ATXN7L1: variants seen among roughly 807,000 people sequenced by gnomAD.
The protein encoded by ATXN7L1 is ataxin 7 like 1.
ATXN7L1 carries 15 observed loss-of-function variants against 70.8 expected under a neutral mutation model. That is an observed-to-expected ratio of 0.21 (90% CI 0.14 to 0.33). ATXN7L1 has a LOEUF of 0.33. ATXN7L1 is among the 10% of genes least tolerant of loss of function. The pLI, the probability that ATXN7L1 is intolerant of heterozygous loss-of-function variation, is 1.00. For synonymous variants in ATXN7L1, 440 were observed against 445.1 expected, an observed-to-expected ratio of 0.99 and a Z score of 0.14; for missense variants, 975 against 1,097.1, an observed-to-expected ratio of 0.89 and a Z score of 1.57.
At chr7:105,801,133 T>C (rs1806757422) in intron 2 of ATXN7L1, among the ~76,000 whole-genome samples, 1 of 152,206 alleles carries the variant, frequency 6.6e-6, no homozygotes, top group South Asian at 2.1e-4. Flanking sequence ...CTTGGGATGC[T>C]GTCAATACAT....
chr7:105,641,214 C>CT lies in ATXN7L1; in HGVS notation c.862+1623dup, dbSNP rs561100060. 8.7e-4 allele frequency among the ~76,000 whole-genome samples: 19 copies of CT among 21,794 alleles called. 1 individual carries two copies. The highest frequency in any genetic ancestry group is 3.0e-3 in the African/African-American group (18 of 6,054). 14.3% of individuals were successfully genotyped at this position (21,794 alleles called of 152,430 possible). On this transcript the variant is annotated intron_variant, in intron 5 of 11. Transcript: ENST00000419735. ...GCCTTTTCTCTCTCTCTCTCTCTCTCTTTTTTTTTTTTTTTTTTTTTTTTT... is the reference window on the plus strand; with the variant it reads ...GCCTTTTCTCTCTCTCTCTCTCTCTCTTTTTTTTTTTTTTTTTTTTTTTTTT...
chr7:105,744,763 A>C (rs893177636), intron 3 of ATXN7L1, among the ~76,000 whole-genome samples: 15 of 120,256 alleles, frequency 1.2e-4, no homozygotes, highest in Non-Finnish European at 2.4e-4. Flanking sequence ...TTTTAGATGG[A>C]GTCTCCCTCT....
In ATXN7L1 at chr7:105,750,401, G is replaced by C. The variant is rs1044970902; in HGVS notation, c.355+38203C>G. On this transcript the variant is annotated intron_variant, in intron 3 of 11. Transcript: ENST00000419735. ...AGTGATCCTCCTGCCTCAGTTTCTT[G>C]AGTAGCTAGGACTACAGGCACGTGT... 4.6e-5 allele frequency among the ~76,000 whole-genome samples: 7 copies of C among 151,158 alleles called. No individual in the cohort carries two copies. In the South Asian group the frequency reaches 1.5e-3, roughly 32 times the overall value.
intron 2 of ATXN7L1, among the ~76,000 whole-genome samples, chr7:105,871,393 C>G (rs1818243596): frequency 6.6e-6 from 1 of 152,186 alleles, no homozygotes; most frequent in South Asian, 2.1e-4. Flanking sequence ...GCAACGCCTT[C>G]TGAACCCAGG....
chr7:105,854,530 GAAA>G (rs57227370), intron 2 of ATXN7L1, among the ~76,000 whole-genome samples: 2,373 of 142,894 alleles, frequency 0.017, 39 homozygotes, highest in East Asian at 0.068. Flanking sequence ...CCTTATAGAG[GAAA>G]AAAAAAAAAA....
At chr7:105,720,602 T>G (rs925918004) in intron 3 of ATXN7L1, among the ~76,000 whole-genome samples, 8 of 152,070 alleles carry the variant, frequency 5.3e-5, no homozygotes, top group Non-Finnish European at 2.9e-5. Flanking sequence ...AAAAAATTAT[T>G]GTAGAGATGA....
intron 3 of ATXN7L1, among the ~76,000 whole-genome samples, chr7:105,705,625 C>A (rs1289930797): frequency 1.3e-5 from 2 of 152,180 alleles, no homozygotes; most frequent in South Asian, 2.1e-4. Context: ...CCCCCATGCA[C>A]CCCTGCCACT....
chr7:105,825,347 C>T (rs953233555), intron 2 of ATXN7L1, among the ~76,000 whole-genome samples: 1 of 152,232 alleles, frequency 6.6e-6, no homozygotes, highest in African/African-American at 2.4e-5. Context: ...GCTGTTGTCA[C>T]AGACCAGCAG....
chr7:105,663,207 C>T (rs946810679), intron 4 of ATXN7L1, among the ~76,000 whole-genome samples: 9 of 152,166 alleles, frequency 5.9e-5, no homozygotes, highest in African/African-American at 2.2e-4. Flanking sequence ...ACACCACTCT[C>T]CGGCTGAGTC....
chr7:105,815,961 A>G (rs1025464214), intron 2 of ATXN7L1, among the ~76,000 whole-genome samples: 1 of 152,206 alleles, frequency 6.6e-6, no homozygotes, highest in Non-Finnish European at 1.5e-5. Flanking sequence ...TTAAAAGAAA[A>G]ACAAAAAGTT....
intron 2 of ATXN7L1, among the ~76,000 whole-genome samples, chr7:105,828,935 A>G (rs1236467894): frequency 6.6e-6 from 1 of 152,206 alleles, no homozygotes; most frequent in Non-Finnish European, 1.5e-5. Context: ...ATACTTCTCA[A>G]ATTATGTCTT....
chr7:105,868,022 T>C (rs1316241198), intron 2 of ATXN7L1, among the ~76,000 whole-genome samples: 1 of 152,352 alleles, frequency 6.6e-6, no homozygotes, highest in East Asian at 1.9e-4. Flanking sequence ...TGCTTTGCTA[T>C]CTTTACTCCA....
intron 3 of ATXN7L1, among the ~76,000 whole-genome samples, chr7:105,733,666 C>T (rs1287291959): frequency 3.7e-5 from 5 of 136,354 alleles, no homozygotes; most frequent in Admixed American, 7.4e-5. Context: ...ATCCATCCAT[C>T]CATCCATCCA....
At chr7:105,765,666 G>A (rs538441996) in intron 3 of ATXN7L1, among the ~76,000 whole-genome samples, 1 of 152,166 alleles carries the variant, frequency 6.6e-6, no homozygotes, top group Non-Finnish European at 1.5e-5. Flanking sequence ...CCCGGCTAAA[G>A]CTTAAACTGT....
chr7:105,700,757 C>T (rs1046245267), intron 3 of ATXN7L1, among the ~76,000 whole-genome samples: 1 of 152,068 alleles, frequency 6.6e-6, no homozygotes, highest in Non-Finnish European at 1.5e-5. Context: ...TCTTGGCTTA[C>T]TGCAACCTCC....
At chr7:105,819,724 G>A (rs117052214) in intron 2 of ATXN7L1, 9,083 of 814,458 alleles carry the variant, frequency 0.011, 80 homozygotes, top group South Asian at 0.02. Flanking sequence ...GCCTCTAGCC[G>A]CACCTTCCGG....
chr7:105,842,457 T>C (rs1813369627), intron 2 of ATXN7L1, among the ~76,000 whole-genome samples: 3 of 152,218 alleles, frequency 2.0e-5, no homozygotes, highest in African/African-American at 7.2e-5. Flanking sequence ...ATGCATGGAA[T>C]CATCCAATAT....
chr7:105,664,983 C>T (rs1324535525), intron 4 of ATXN7L1, 83 bp downstream of exon 4: 1 of 1,362,396 alleles, frequency 7.3e-7, no homozygotes, highest in Non-Finnish European at 1.0e-6. Context: ...AGGAACAAAG[C>T]CAGAGAGTAA....
chr7:105,692,424 T>TCCCTCCCTCCTTCCTTCCTC (rs1554431696), intron 3 of ATXN7L1, among the ~76,000 whole-genome samples: 3 of 88,086 alleles, frequency 3.4e-5, no homozygotes, highest in African/African-American at 1.3e-4. Flanking sequence ...CTTCCTTCCT[T>TCCCTCCCTCCTTCCTTCCTC]CCTCCCTCCC....
Sources: allele counts gnomAD v4.1 joint callset (sites outside exome capture counted in the v4.1 genomes callset), GRCh38; gene constraint gnomAD v4.1.1; transcripts MANE v1.5; gene names NCBI Gene and HGNC (gene_info 2026-07-23, HGNC 2026-07-21).